Variants in RGPD1 observed in about 807,000 individuals in gnomAD.
RGPD1 encodes the protein RANBP2 like and GRIP domain containing 1.
In RGPD1, 7 loss-of-function variants were observed where a neutral mutation model predicts 40.6. The ratio of observed to expected loss-of-function variants is 0.17; its 90% CI spans 0.10 to 0.32. RGPD1 has a LOEUF of 0.32. Among genes scored for constraint, RGPD1 ranks in the 10% least tolerant of loss-of-function variants. The pLI is 1.00. For synonymous variants in RGPD1, 24 were observed against 167.0 expected, an observed-to-expected ratio of 0.14 and a Z score of 6.60; for missense variants, 50 against 472.5, an observed-to-expected ratio of 0.11 and a Z score of 8.29.
chr2:86,939,385 C>T (rs968626340), upstream of RGPD1, among the ~76,000 whole-genome samples: 7 of 149,860 alleles, frequency 4.7e-5, no homozygotes, highest in Admixed American at 2.0e-4. Context: ...TCAAGACCAG[C>T]CTGTCCAACA....
At chr2:86,935,989 A>G (rs1210347732) in intron 1 of RGPD1, among the ~76,000 whole-genome samples, 2 of 137,338 alleles carry the variant, frequency 1.5e-5, no homozygotes, top group Non-Finnish European at 3.2e-5. Flanking sequence ...TCTTATCAAA[A>G]ACAAATTTGT....
At chr2:86,941,605 C>A (rs1357575624), upstream of RGPD1, among the ~76,000 whole-genome samples, 4 of 151,664 alleles carry the variant, frequency 2.6e-5, no homozygotes, top group Non-Finnish European at 5.9e-5. Context: ...CTGCCTGGGT[C>A]CACTTATAAG....
rs1473189388 is a variant in RGPD1 at position 86,918,592 on chromosome 2, C to T, written c.72+4671C>T. Among the ~76,000 whole-genome samples the T allele has an allele frequency of 1.3e-3, 197 of 146,768 alleles. 4 individuals carry two copies. The highest frequency in any genetic ancestry group is 3.2e-3 in the African/African-American group (124 of 38,264). ...TTCCTGCCTCAGCCTCCCGAGTAGC[C>T]GGGACTACAGGCGCCCGCCACCACG... On this transcript the variant is annotated intron_variant, in intron 1 of 22. Transcript: ENST00000398193.
At chr2:86,926,209 C>T (rs1417746074) in intron 1 of RGPD1, among the ~76,000 whole-genome samples, 1 of 151,440 alleles carries the variant, frequency 6.6e-6, no homozygotes, top group Non-Finnish European at 1.5e-5. Context: ...GGCACGACTC[C>T]AGCCACTTAG....
intron 1 of RGPD1, among the ~76,000 whole-genome samples, chr2:86,915,092 T>C (rs1271610782): frequency 6.7e-6 from 1 of 150,074 alleles, no homozygotes; most frequent in Non-Finnish European, 1.5e-5. Flanking sequence ...GGTCGGTCGT[T>C]CGAGACCAGC....
intron 1 of RGPD1, among the ~76,000 whole-genome samples, chr2:86,925,571 G>A (rs1274667107): frequency 6.6e-6 from 1 of 151,996 alleles, no homozygotes; most frequent in Non-Finnish European, 1.5e-5. Flanking sequence ...CCCAGCCAAG[G>A]ATATTCTTTT....
upstream of RGPD1, among the ~76,000 whole-genome samples, chr2:86,939,594 GAA>G (rs1208674687): frequency 9.3e-6 from 1 of 107,330 alleles, no homozygotes; most frequent in Non-Finnish European, 2.0e-5. Context: ...AAAAAAAAAA[GAA>G]AGAAAGAAAG....
rs1216392183 is a variant in RGPD1 at position 86,914,378 on chromosome 2, GGGCGGCGGC to G, written c.72+476_72+484del. Among the ~76,000 whole-genome samples, 43 of 7,744 alleles carry G rather than the reference GGGCGGCGGC, an allele frequency of 5.6e-3. 8 individuals are homozygous for G. The highest frequency in any genetic ancestry group is 6.0e-3 in the Non-Finnish European group (28 of 4,674). The allele number at this position is 7,744 out of a possible 152,430, so 5.1% of individuals were successfully genotyped here. A position where few individuals can be genotyped will look rare whatever the true frequency, so the allele number is the denominator to read the frequency against. Reference sequence around the variant, plus strand: ...CGGCGGCGGCGGCCTCGACCTGGCCGGGCGGCGGCGGCGGCGGCGGCGGCGGCCTCGACC... The same window carrying G: ...CGGCGGCGGCGGCCTCGACCTGGCCGGGCGGCGGCGGCGGCGGCCTCGACC... On this transcript the variant is annotated intron_variant, in intron 1 of 22. Coordinates refer to the RGPD1 transcript ENST00000398193.
At chr2:86,942,561 G>C (rs866828169) in intron 1 of RGPD1, among the ~76,000 whole-genome samples, 7,037 of 42,662 alleles carry the variant, frequency 0.16, 734 homozygotes, top group Admixed American at 0.32. Flanking sequence ...CGGCCTCGAC[G>C]TGGCCCGGCG....
chr2:86,937,324 C>G (rs1335566930), upstream of RGPD1, among the ~76,000 whole-genome samples: 11 of 151,834 alleles, frequency 7.2e-5, no homozygotes, highest in Non-Finnish European at 1.5e-4. Flanking sequence ...ACCAGGAGGT[C>G]AGATCTCAAG....
At chr2:86,938,599 C>CAA (rs67807927), upstream of RGPD1, among the ~76,000 whole-genome samples, 23 of 145,236 alleles carry the variant, frequency 1.6e-4, no homozygotes, top group African/African-American at 5.4e-4. Flanking sequence ...GACTCCATCT[C>CAA]AAAAAAAAAA....
At chr2:86,942,691 C>T (rs1244482030) in intron 1 of RGPD1, among the ~76,000 whole-genome samples, 2 of 144,192 alleles carry the variant, frequency 1.4e-5, no homozygotes, top group Admixed American at 6.8e-5. Context: ...GGCCGGGCGG[C>T]GGTGGCCTCG....
intron 1 of RGPD1, among the ~76,000 whole-genome samples, chr2:86,925,216 T>C (rs926468588): frequency 6.9e-6 from 1 of 145,552 alleles, no homozygotes; most frequent in Non-Finnish European, 1.5e-5. Context: ...AACAGTGTCT[T>C]TGATGAGCAG....
At chr2:86,942,784 CG>C in intron 1 of RGPD1, among the ~76,000 whole-genome samples, 1 of 151,764 alleles carries the variant, frequency 6.6e-6, no homozygotes, top group Non-Finnish European at 1.5e-5. Flanking sequence ...GTTGAGGCGC[CG>C]GCCGGCTGGC....
At chr2:86,942,713 C>CGGCGGCCTCGAT (rs1382435763) in intron 1 of RGPD1, among the ~76,000 whole-genome samples, 195 of 148,926 alleles carry the variant, frequency 1.3e-3, no homozygotes, top group Non-Finnish European at 2.3e-3. Flanking sequence ...CGTGGCCCGG[C>CGGCGGCCTCGAT]GGCGGCCTCG....
chr2:86,913,996 C>T (rs1346751561), intron 1 of RGPD1: 7,765 of 743,442 alleles, frequency 0.01, 308 homozygotes, highest in African/African-American at 0.058. Flanking sequence ...GCGGCGGCGG[C>T]GGCCTCGGCC....
intron 1 of RGPD1, among the ~76,000 whole-genome samples, chr2:86,923,194 A>G (rs1678162996): frequency 1.3e-5 from 2 of 149,724 alleles, no homozygotes; most frequent in South Asian, 2.1e-4. Context: ...GCCCGCCACC[A>G]TGCCCGGCTA....
chr2:86,928,832 C>G (rs1461149774), intron 1 of RGPD1, among the ~76,000 whole-genome samples: 6 of 151,870 alleles, frequency 4.0e-5, no homozygotes, highest in African/African-American at 1.5e-4. Flanking sequence ...ATGAATGATA[C>G]CACTCAAGGT....
At chr2:86,928,671 C>G (rs1678681528) in intron 1 of RGPD1, among the ~76,000 whole-genome samples, 1 of 152,146 alleles carries the variant, frequency 6.6e-6, no homozygotes, top group African/African-American at 2.4e-5. Flanking sequence ...TGAACCAAAG[C>G]TATTGTAAAC....
Sources: allele counts gnomAD v4.1 joint callset (sites outside exome capture counted in the v4.1 genomes callset), GRCh38; gene constraint gnomAD v4.1.1; transcripts MANE v1.5; gene names NCBI Gene and HGNC (gene_info 2026-07-23, HGNC 2026-07-21).